The following GLYATL2 variants were observed in gnomAD, a reference collection of about 807,000 sequenced individuals.
GLYATL2 encodes glycine-N-acyltransferase like 2.
GLYATL2 carries 25 observed loss-of-function variants against 21.4 expected under a neutral mutation model. The observed-to-expected ratio is 1.17, with a 90% CI of 0.85 to 1.63. GLYATL2 has a LOEUF of 1.63. GLYATL2 is among the 40% of genes most tolerant of loss of function. The pLI, the probability that GLYATL2 is intolerant of heterozygous loss-of-function variation, is 0.00. For missense variants in GLYATL2, 361 were observed against 343.3 expected (o/e 1.05, Z -0.41); for synonymous variants, 114 against 118.2 (o/e 0.96, Z 0.23).
At chr11:58,898,616 C>T (rs1250871559) in intron 1 of GLYATL2, among the ~76,000 whole-genome samples, 3 of 151,850 alleles carry the variant, frequency 2.0e-5, no homozygotes, top group Non-Finnish European at 2.9e-5. Context: ...GGGCAGATCA[C>T]GAAGGTCAGG....
At chr11:58,879,459 A>G (rs1854293783) in intron 1 of GLYATL2, among the ~76,000 whole-genome samples, 1 of 152,232 alleles carries the variant, frequency 6.6e-6, no homozygotes, top group Admixed American at 6.5e-5. Context: ...GTCATTCACA[A>G]ATTTATTATT....
intron 1 of GLYATL2, among the ~76,000 whole-genome samples, chr11:58,850,956 AG>A (rs1853730866): frequency 6.6e-6 from 1 of 152,192 alleles, no homozygotes; most frequent in Non-Finnish European, 1.5e-5. Flanking sequence ...AATTAGTGAA[AG>A]TATTAAAGTC....
chr11:58,861,416 G>GTAATGTCTCCTTT (rs2134594831), intron 1 of GLYATL2, among the ~76,000 whole-genome samples: 1 of 151,662 alleles, frequency 6.6e-6, no homozygotes, highest in Non-Finnish European at 1.5e-5. Flanking sequence ...GATATAAGTT[G>GTAATGTCTCCTTT]TAATGTCTCC....
intron 1 of GLYATL2, among the ~76,000 whole-genome samples, chr11:58,889,784 T>G (rs1277923016): frequency 6.6e-6 from 1 of 152,172 alleles, no homozygotes; most frequent in Admixed American, 6.5e-5. Context: ...TCTGTATTCA[T>G]AAGGGAATAT....
the GLYATL2 span, among the ~76,000 whole-genome samples, chr11:58,909,647 A>C: frequency 6.6e-6 from 1 of 152,350 alleles, no homozygotes; most frequent in Admixed American, 6.5e-5. Context: ...ATATTTGGCG[A>C]ATAAGACAGC....
chr11:58,889,235 T>G (rs1220630777), intron 1 of GLYATL2, among the ~76,000 whole-genome samples: 1 of 152,078 alleles, frequency 6.6e-6, no homozygotes, highest in African/African-American at 2.4e-5. Context: ...TATGTCACAC[T>G]GTTCTTTAAA....
intron 1 of GLYATL2, among the ~76,000 whole-genome samples, chr11:58,900,156 A>G (rs1313765332): frequency 3.9e-5 from 6 of 152,204 alleles, no homozygotes; most frequent in African/African-American, 1.4e-4. Context: ...ATGACCCCTA[A>G]GAAATGAATG....
At chr11:58,841,974 C>T (rs906085655) in intron 1 of GLYATL2, among the ~76,000 whole-genome samples, 2 of 152,040 alleles carry the variant, frequency 1.3e-5, no homozygotes, top group Admixed American at 6.6e-5. Context: ...ATGAGAATAT[C>T]GAAGGACAGA....
At chr11:58,896,236 G>A (rs1374269464) in intron 1 of GLYATL2, among the ~76,000 whole-genome samples, 2 of 152,114 alleles carry the variant, frequency 1.3e-5, no homozygotes, top group African/African-American at 2.4e-5. Flanking sequence ...ATAAAAGTTT[G>A]GGGTGGAATG....
intron 1 of GLYATL2, among the ~76,000 whole-genome samples, chr11:58,880,321 TGAG>T (rs763812731): frequency 4.5e-4 from 69 of 152,186 alleles, no homozygotes; most frequent in Admixed American, 2.8e-3. Flanking sequence ...ATATTAAGTA[TGAG>T]GAGGAGGAGG....
rs564798493 is a variant in GLYATL2 at position 58,838,489 on chromosome 11, T to C, written c.79-121A>G. On this transcript the variant is annotated intron_variant, in intron 2 of 5. Coordinates refer to ENST00000287275, the MANE Select transcript of GLYATL2 (RefSeq NM_145016.4). ...ACAAGAAGTATAGGAGGACTTAGGATGGGCCAGTGCTTCCAGGATGGCTCA... is the reference window on the plus strand; with the variant it reads ...ACAAGAAGTATAGGAGGACTTAGGACGGGCCAGTGCTTCCAGGATGGCTCA... 9.9e-6 allele frequency: 6 copies of C among 608,680 alleles called. No homozygotes were observed. The South Asian group carries it at 1.3e-4, about 13-fold the overall frequency. The allele number at this position is 608,680 out of a possible 1,614,324, so 37.7% of individuals were successfully genotyped here. A position where few individuals can be genotyped will look rare whatever the true frequency, so the allele number is the denominator to read the frequency against.
At chr11:58,880,766 C>T (rs1384735317) in intron 1 of GLYATL2, among the ~76,000 whole-genome samples, 1 of 152,164 alleles carries the variant, frequency 6.6e-6, no homozygotes, top group African/African-American at 2.4e-5. Context: ...CTTGAGTATT[C>T]AAACATTCTG....
upstream of GLYATL2, among the ~76,000 whole-genome samples, chr11:58,846,100 A>T (rs1433458348): frequency 6.6e-6 from 1 of 152,186 alleles, no homozygotes; most frequent in Admixed American, 6.5e-5. Context: ...CATCCTTTTT[A>T]AAAAATGGTC....
At chr11:58,889,057 A>G (rs1854494194) in intron 1 of GLYATL2, among the ~76,000 whole-genome samples, 1 of 151,644 alleles carries the variant, frequency 6.6e-6, no homozygotes, top group Admixed American at 6.6e-5. Flanking sequence ...GTTCTATGCC[A>G]TCTGGCAAAA....
upstream of GLYATL2, among the ~76,000 whole-genome samples, chr11:58,845,919 A>G (rs1853634146): frequency 2.6e-5 from 4 of 152,172 alleles, no homozygotes; most frequent in South Asian, 8.3e-4. Context: ...ATTTAATACT[A>G]TCTACACATT....
At chr11:58,841,646 A>T (rs1853555510) in intron 1 of GLYATL2, among the ~76,000 whole-genome samples, 1 of 152,234 alleles carries the variant, frequency 6.6e-6, no homozygotes. Context: ...AGATATTTTG[A>T]GGCAAACCAC....
chr11:58,843,999 T>C (rs975677114), intron 1 of GLYATL2, among the ~76,000 whole-genome samples: 1 of 152,152 alleles, frequency 6.6e-6, no homozygotes, highest in African/African-American at 2.4e-5. Flanking sequence ...CAGAAAAGCA[T>C]TGTTTTATTC....
At chr11:58,891,321 G>C (rs141031675) in intron 1 of GLYATL2, among the ~76,000 whole-genome samples, 1 of 152,240 alleles carries the variant, frequency 6.6e-6, no homozygotes, top group Non-Finnish European at 1.5e-5. Flanking sequence ...ACCAGAATGG[G>C]ATCACAAGTC....
chr11:58,838,443 G>A, intron 2 of GLYATL2, 75 bp from the exon 3 acceptor site: 2 of 934,552 alleles, frequency 2.1e-6, no homozygotes, highest in Non-Finnish European at 3.3e-6. Context: ...GGAGAAATAA[G>A]ACATGACATG....
Sources: allele counts gnomAD v4.1 joint callset (sites outside exome capture counted in the v4.1 genomes callset), GRCh38; gene constraint gnomAD v4.1.1; transcripts MANE v1.5; gene names NCBI Gene and HGNC (gene_info 2026-07-23, HGNC 2026-07-21).